Variants in NBPF3 observed in about 807,000 individuals in gnomAD.
The protein encoded by NBPF3 is NBPF family member NBPF3.
In NBPF3, 57 loss-of-function variants were observed where a neutral mutation model predicts 78.1. That is an observed-to-expected ratio of 0.73 (90% CI 0.59 to 0.91). The LOEUF (loss-of-function observed/expected upper bound fraction) is 0.91. Ranked by LOEUF, NBPF3 falls within the 40% of genes least tolerant of loss-of-function variation. The pLI is 0.00. For missense variants in NBPF3, 510 were observed against 715.3 expected, an observed-to-expected ratio of 0.71 and a Z score of 3.27; for synonymous variants, 182 against 271.7, an observed-to-expected ratio of 0.67 and a Z score of 3.25.
intron 1 of NBPF3, among the ~76,000 whole-genome samples, chr1:21,443,542 C>T (rs10916993): frequency 0.46 from 69,661 of 152,006 alleles, 17,862 homozygotes; most frequent in Middle Eastern, 0.62. Context: ...AAGTGTTAAG[C>T]CATTTAAAGG....
chr1:21,480,684 A>G (rs1228737920), intron 11 of NBPF3, among the ~76,000 whole-genome samples: 1 of 152,310 alleles, frequency 6.6e-6, no homozygotes, highest in Non-Finnish European at 1.5e-5. Flanking sequence ...TGTTTGCACA[A>G]ACTTGGGATA....
intron 2 of NBPF3, among the ~76,000 whole-genome samples, chr1:21,449,627 C>T (rs1641187414): frequency 6.6e-6 from 1 of 152,064 alleles, no homozygotes; most frequent in Non-Finnish European, 1.5e-5. Flanking sequence ...CCTGCCACCA[C>T]GCCTGGCTAA....
Position 21,468,726 on chromosome 1 carries a change from G to T in NBPF3, c.172G>T (p.Val58Leu). The change falls in exon 3 of 15, where the codon GTG becomes TTG. Residue 58 changes from valine (V) to leucine (L), a missense_variant. By Grantham distance (32) the Val-to-Leu change is conservative. Around this residue, in one of 5 missense-constraint regions of NBPF3, gnomAD observed 440 missense variants for 478.2 expected, o/e 0.92. Transcript: ENST00000318249. Reference sequence around the variant, plus strand: ...CTCTTCTGCCACAAACGTCAGCATGGTGGTATCTGCCGGCCCTTGGTCCGG... The same window carrying T: ...CTCTTCTGCCACAAACGTCAGCATGTTGGTATCTGCCGGCCCTTGGTCCGG... ...PTSSATNVSMVVSAGPWSGEK... is the reference protein window; with the variant it reads ...PTSSATNVSMLVSAGPWSGEK... 4 of 1,613,488 alleles carry T rather than the reference G, an allele frequency of 2.5e-6. No individual in the cohort carries two copies. The highest frequency in any genetic ancestry group is 3.4e-6 in the Non-Finnish European group (4 of 1,179,444).
chr1:21,437,552 TG>T, upstream of NBPF3: 2 of 1,193,756 alleles, frequency 1.7e-6, no homozygotes, highest in South Asian at 1.5e-5. Context: ...AGGTCTGAGC[TG>T]GGGGCTACTG....
At chr1:21,473,269 C>A in intron 6 of NBPF3, 111 bp from the exon 7 acceptor site, 1 of 1,314,196 alleles carries the variant, frequency 7.6e-7, no homozygotes, top group African/African-American at 1.4e-5. Flanking sequence ...CTCCTGTTTG[C>A]TTTCTTGGAC....
At chr1:21,453,415 G>A (rs142624952) in intron 2 of NBPF3, 86 of 152,320 alleles carry the variant, frequency 5.6e-4, no homozygotes, top group African/African-American at 2.0e-3. Flanking sequence ...TTACCAAGAC[G>A]TTAAGAAATG....
Position 21,480,036 on chromosome 1 carries a change from T to C in NBPF3, c.1209-15T>C, listed in dbSNP as rs1051729250. On this transcript the variant is annotated splice_polypyrimidine_tract_variant and intron_variant, in intron 10 of 14. Coordinates refer to ENST00000318249, the MANE Select transcript of NBPF3 (RefSeq NM_032264.6). ...ATTCCCCCTGGCTTATTCTTTACTT[T>C]TCCTACTTTTCCAGGCTCAGCAGGG... The C allele has an allele frequency of 4.5e-6, 5 of 1,110,262 alleles. No individual in the cohort carries two copies. The highest frequency in any genetic ancestry group is 2.4e-5 in the East Asian group (1 of 42,546). 68.8% of individuals were successfully genotyped at this position (1,110,262 alleles called of 1,614,324 possible). A position where few individuals can be genotyped will look rare whatever the true frequency, so the allele number is the denominator to read the frequency against.
chr1:21,471,562 A>G lies in NBPF3; in HGVS notation c.447-7A>G. 1 of 1,611,548 alleles carries G rather than the reference A, an allele frequency of 6.2e-7. No homozygotes were observed. On this transcript the variant is annotated splice_region_variant and splice_polypyrimidine_tract_variant and intron_variant, in intron 4 of 14. Coordinates refer to ENST00000318249, the MANE Select transcript of NBPF3 (RefSeq NM_032264.6). ...ACTGTTAAATTTTCTCTACTATCTC[A>G]CCTTAGGCAATATAAAGTCCTGGTT...
At chr1:21,468,357 T>A in intron 2 of NBPF3, 1 of 1,238,224 alleles carries the variant, frequency 8.1e-7, no homozygotes, top group Non-Finnish European at 1.0e-6. Context: ...TGCCTGTGTT[T>A]CAGCAAAGCC....
intron 11 of NBPF3, 55 bp from the exon 12 acceptor site, chr1:21,480,875 A>T (rs1293220764): frequency 3.7e-5 from 3 of 82,116 alleles, no homozygotes; most frequent in Non-Finnish European, 4.9e-5. Flanking sequence ...GTGGACTGTT[A>T]ATGGGTGTAG....
intron 2 of NBPF3, among the ~76,000 whole-genome samples, chr1:21,463,810 C>T (rs1167972634): frequency 6.6e-6 from 1 of 152,160 alleles, no homozygotes; most frequent in Non-Finnish European, 1.5e-5. Context: ...GTAGAGGTTT[C>T]TCTAAAGGAA....
intron 2 of NBPF3, among the ~76,000 whole-genome samples, chr1:21,467,608 C>A (rs1642348381): frequency 6.6e-6 from 1 of 152,148 alleles, no homozygotes; most frequent in Non-Finnish European, 1.5e-5. Context: ...ATAAGAACCG[C>A]CGCTCATGGC....
chr1:21,477,489 C>A (rs1367035016), intron 8 of NBPF3, among the ~76,000 whole-genome samples: 1 of 152,048 alleles, frequency 6.6e-6, no homozygotes. Context: ...GACGTTGATT[C>A]CTTTCTGTTT....
At chr1:21,477,651 T>C (rs1642955112) in intron 8 of NBPF3, among the ~76,000 whole-genome samples, 1 of 152,212 alleles carries the variant, frequency 6.6e-6, no homozygotes, top group Non-Finnish European at 1.5e-5. Context: ...AAATGCTTTC[T>C]GCTTATTTTT....
At position 21,478,300 on chromosome 1, in the gene NBPF3, C is replaced by G; in HGVS notation, c.1149C>G (p.Asp383Glu). The G allele has an allele frequency of 6.2e-7, 1 of 1,613,804 alleles. No individual in the cohort carries two copies. The highest frequency in any genetic ancestry group is 1.1e-5 in the South Asian group (1 of 91,072). Residue 383 changes from aspartate to glutamate, a missense_variant, in exon 9 of 15, where the codon GAC becomes GAG. By Grantham distance (45) the Asp-to-Glu change is conservative. Around this residue, in one of 5 missense-constraint regions of NBPF3, gnomAD observed 440 missense variants for 478.2 expected, o/e 0.92. Coordinates refer to ENST00000318249, the MANE Select transcript of NBPF3 (RefSeq NM_032264.6). Reference protein sequence around the residue: ...VEEQQVGLALDIGRHWCDQVK... With the variant: ...VEEQQVGLALEIGRHWCDQVK... ...AACAGCAAGTCGGCTTGGCTCTTGA[C>G]ATAGGCAGTGAGTACTCCATTTTGA...
chr1:21,459,348 G>T (rs1641813892), intron 2 of NBPF3, among the ~76,000 whole-genome samples: 1 of 152,168 alleles, frequency 6.6e-6, no homozygotes, highest in South Asian at 2.1e-4. Context: ...GGTAGTACTG[G>T]TGTAAGTATT....
intron 2 of NBPF3, among the ~76,000 whole-genome samples, chr1:21,457,935 C>A (rs1641723721): frequency 6.6e-6 from 1 of 152,166 alleles, no homozygotes; most frequent in Non-Finnish European, 1.5e-5. Context: ...TATCACCAGA[C>A]CAAGTCAAAA....
intron 4 of NBPF3, 76 bp downstream of exon 4, chr1:21,470,810 C>A: frequency 1.0e-6 from 1 of 963,254 alleles, no homozygotes; most frequent in Non-Finnish European, 1.6e-6. Flanking sequence ...GCAGGGAGAA[C>A]TAAGAGCTGA....
At chr1:21,449,486 T>A (rs201878980) in intron 2 of NBPF3, among the ~76,000 whole-genome samples, 1 of 89,078 alleles carries the variant, frequency 1.1e-5, no homozygotes, top group Non-Finnish European at 2.4e-5. Flanking sequence ...TTATTTATTT[T>A]TTGAGATGGA....
Sources: allele counts gnomAD v4.1 joint callset (sites outside exome capture counted in the v4.1 genomes callset), GRCh38; gene constraint gnomAD v4.1.1; regional missense constraint gnomAD v4.1.1; transcripts MANE v1.5; gene names NCBI Gene and HGNC (gene_info 2026-07-23, HGNC 2026-07-21).